Variants in ERN1 observed in about 807,000 individuals in gnomAD.
The protein encoded by ERN1 is endoplasmic reticulum to nucleus signaling 1, also known as serine/threonine-protein kinase/endoribonuclease IRE1.
A neutral mutation model predicts 113.1 loss-of-function variants in ERN1; 39 were observed. That is an observed-to-expected ratio of 0.34 (90% confidence interval 0.27 to 0.45). The LOEUF (loss-of-function observed/expected upper bound fraction) is 0.45, where lower values mean the gene tolerates loss of function less well. Among genes scored for constraint, ERN1 ranks in the 20% least tolerant of loss-of-function variants. ERN1 has a pLI of 1.00. For missense variants in ERN1, 976 were observed against 1,274.8 expected (o/e 0.77, Z 3.57); for synonymous variants, 507 against 515.9 (o/e 0.98, Z 0.23).
intron 2 of ERN1, among the ~76,000 whole-genome samples, chr17:64,083,279 T>C (rs1392338131): frequency 6.6e-6 from 1 of 152,098 alleles, no homozygotes; most frequent in Non-Finnish European, 1.5e-5. Context: ...GAAAATTATC[T>C]TTGGAAAGTC....
At position 64,098,512 on chromosome 17, in the gene ERN1, C is replaced by A. The variant is rs373951033; in HGVS notation, c.55-271G>T. 5 of 643,798 alleles carry A rather than the reference C, an allele frequency of 7.8e-6. No individual in the cohort carries two copies. Among genetic ancestry groups the A allele is most frequent in the Non-Finnish European group, 1.2e-5 (4 of 340,914 alleles). The allele number at this position is 643,798 out of a possible 1,614,324, so 39.9% of individuals were successfully genotyped here. ...TGAAATAATCCATGGGCAACCTCCA[C>A]TGAAACAGAGGGGCAAAGTATGCTC... On this transcript the variant is annotated intron_variant, in intron 1 of 21. Transcript: ENST00000433197.
At chr17:64,123,788 TA>T (rs893598929) in intron 1 of ERN1, among the ~76,000 whole-genome samples, 10 of 150,752 alleles carry the variant, frequency 6.6e-5, no homozygotes, top group African/African-American at 9.8e-5. Context: ...AGTGAAAAAA[TA>T]AAAAAAAATA....
At chr17:64,094,236 T>C (rs897793780) in intron 2 of ERN1, among the ~76,000 whole-genome samples, 3 of 152,230 alleles carry the variant, frequency 2.0e-5, no homozygotes, top group Non-Finnish European at 4.4e-5. Flanking sequence ...TTCACCGTCC[T>C]GGAAATCCAG....
At chr17:64,087,193 C>T (rs545323373) in intron 2 of ERN1, among the ~76,000 whole-genome samples, 2 of 152,276 alleles carry the variant, frequency 1.3e-5, no homozygotes, top group South Asian at 4.1e-4. Context: ...AACTACACTG[C>T]TCCGAATCCT....
chr17:64,126,785 T>C (rs892519709), intron 1 of ERN1, among the ~76,000 whole-genome samples: 1 of 151,954 alleles, frequency 6.6e-6, no homozygotes, highest in Non-Finnish European at 1.5e-5. Context: ...AGCAAAGACA[T>C]TGCTAGTTAA....
chr17:64,077,387 T>A (rs1913625409), intron 4 of ERN1, among the ~76,000 whole-genome samples: 1 of 152,140 alleles, frequency 6.6e-6, no homozygotes, highest in Non-Finnish European at 1.5e-5. Context: ...GTAACCGGCA[T>A]CCAGGTGAAG....
chr17:64,075,093 C>A, intron 5 of ERN1, 82 bp downstream of exon 5: 1 of 1,119,242 alleles, frequency 8.9e-7, no homozygotes. Context: ...GGTGACTGCG[C>A]CCTCTCTCTC....
Position 64,066,743 on chromosome 17 carries a change from G to A in ERN1, c.770C>T (p.Ser257Phe), listed in dbSNP as rs1248269311. 1 of 1,613,978 alleles carries A rather than the reference G, an allele frequency of 6.2e-7. No homozygotes were observed. Among genetic ancestry groups the A allele is most frequent in the Non-Finnish European group, 8.5e-7 (1 of 1,179,864 alleles). The stretch of plus-strand genomic sequence containing the variant: ...CTTTGTGATGCGCCCCACCTCCCCA[G>A]ACATGAAGGTCAGATAGCGCAGGGT... Reference protein sequence around the residue: ...VETLRYLTFMSGEVGRITKWK... With the variant: ...VETLRYLTFMFGEVGRITKWK... Residue 257 changes from serine (S) to phenylalanine (F), a missense_variant, in exon 8 of 22, where the codon TCT becomes TTT. By Grantham distance (155) the Ser-to-Phe change is radical. Around this residue, in one of 5 missense-constraint regions of ERN1, gnomAD observed 459 missense variants for 581.2 expected, o/e 0.79. Coordinates refer to ENST00000433197, the MANE Select transcript of ERN1 (RefSeq NM_001433.5).
intron 2 of ERN1, among the ~76,000 whole-genome samples, chr17:64,083,128 C>T (rs768505492): frequency 2.6e-5 from 4 of 151,648 alleles, no homozygotes; most frequent in Non-Finnish European, 5.9e-5. Context: ...AATAATTATA[C>T]GGGGGGCGGG....
At chr17:64,084,093 T>G (rs1277970936) in intron 2 of ERN1, among the ~76,000 whole-genome samples, 1 of 151,896 alleles carries the variant, frequency 6.6e-6, no homozygotes, top group Non-Finnish European at 1.5e-5. Context: ...TCCCGGGTCC[T>G]TTCTCTGGAT....
rs1914279514 is a variant in ERN1, at chr17:64,098,116, A to G, written c.175+5T>C. The G allele has an allele frequency of 1.9e-6, 3 of 1,613,848 alleles. No individual in the cohort carries two copies. In the South Asian group the frequency reaches 3.3e-5, roughly 18 times the overall value. On this transcript the variant is annotated splice_donor_5th_base_variant and intron_variant, in intron 2 of 21. Coordinates refer to ENST00000433197, the MANE Select transcript of ERN1 (RefSeq NM_001433.5). ...CATGTCGCCCAAGGACCAAATCCAA[A>G]TTACCTTCTTTTAAAGTCCATTTGA...
At chr17:64,100,430 G>C (rs549217971) in intron 1 of ERN1, among the ~76,000 whole-genome samples, 2 of 152,332 alleles carry the variant, frequency 1.3e-5, no homozygotes, top group South Asian at 2.1e-4. Context: ...CTGTACAACA[G>C]GTCTTGGGAG....
Position 64,054,801 on chromosome 17 carries a change from C to G in ERN1, c.1700G>C (p.Gly567Ala). The change falls in exon 14 of 22, where the codon GGG becomes GCG. Residue 567 changes from glycine to alanine, a missense_variant. By Grantham distance (60) the Gly-to-Ala change is moderately conservative. Around this residue, in one of 5 missense-constraint regions of ERN1, gnomAD observed 112 missense variants for 106.2 expected, o/e 1.05. Transcript: ENST00000433197. This position sits in a 1 kb window ranked among gnomAD's most constrained non-coding sequence, Gnocchi z 4.9. ...GDEETSVVIV[G>A]KISFCPKDVL... ...ATCCTTGGGACAGAAGGAAATTTTC[C>G]CAACTATCACCACGCTGGTTTCCTC... is the stretch of plus-strand genomic sequence containing the variant. 8 of 1,609,432 alleles carry G rather than the reference C, an allele frequency of 5.0e-6. No individual in the cohort carries two copies. Among genetic ancestry groups the G allele is most frequent in the Non-Finnish European group, 5.9e-6 (7 of 1,178,188 alleles).
rs1913116907 is a variant in ERN1, at chr17:64,063,502, CCT to C, written c.1087+482_1087+483del. Among the ~76,000 whole-genome samples, 4 of 152,216 alleles carry C rather than the reference CCT, an allele frequency of 2.6e-5. No individual in the cohort carries two copies. Among genetic ancestry groups the C allele is most frequent in the South Asian group, 2.1e-4 (1 of 4,830 alleles). On this transcript the variant is annotated intron_variant, in intron 10 of 21. Transcript: ENST00000433197. This position sits in a 1 kb window ranked among gnomAD's most constrained non-coding sequence, Gnocchi z 5.1. ...CACTGCCCTAGAACCACAACCAGCC[CCT>C]GACTCTGCTGCTCTCAATCCATCCT... is the stretch of plus-strand genomic sequence containing the variant.
At chr17:64,057,705 G>A in intron 12 of ERN1, 97 bp downstream of exon 12, 3 of 1,161,146 alleles carry the variant, frequency 2.6e-6, no homozygotes, top group Non-Finnish European at 3.8e-6. Flanking sequence ...GGAAAGAAAT[G>A]TGCTGGTTGT....
Position 64,041,534 on chromosome 17 carries a change from A to T in ERN1, c.*2454T>A, listed in dbSNP as rs1359452443. ...TGATGCCCAAGGTGTTTTCATGACA[A>T]GTACCCACACGAGATCTCTTCAAAC... On this transcript the variant is annotated 3_prime_UTR_variant, in exon 22 of 22. Transcript: ENST00000433197. 1 of 152,216 alleles carries T rather than the reference A, an allele frequency of 6.6e-6. No individual in the cohort carries two copies. 9.4% of individuals were successfully genotyped at this position (152,216 alleles called of 1,614,324 possible).
intron 4 of ERN1, among the ~76,000 whole-genome samples, chr17:64,079,164 G>C (rs1484833351): frequency 6.6e-6 from 1 of 152,066 alleles, no homozygotes; most frequent in Non-Finnish European, 1.5e-5. Flanking sequence ...TCTGGGATTG[G>C]GCCCTATGTT....
chr17:64,039,191 G>T lies in ERN1; in HGVS notation c.*4797C>A, dbSNP rs1029822768. 1.3e-5 allele frequency: 2 copies of T among 152,116 alleles called. No individual in the cohort carries two copies. Among genetic ancestry groups the T allele is most frequent in the Admixed American group, 6.5e-5 (1 of 15,268 alleles). The allele number at this position is 152,116 out of a possible 1,614,324, so 9.4% of individuals were successfully genotyped here. A position where few individuals can be genotyped will look rare whatever the true frequency, so the allele number is the denominator to read the frequency against. On this transcript the variant is annotated 3_prime_UTR_variant, in exon 22 of 22. Coordinates refer to ENST00000433197, the MANE Select transcript of ERN1 (RefSeq NM_001433.5). ...TGTGGTTGGCTCGACATAAGATGCC[G>T]CCATCAGCAGAATTATAAAACTGTA... is the stretch of plus-strand genomic sequence containing the variant.
rs1486099273 is a variant in ERN1, at chr17:64,072,115, CA to C, written c.356-13del. ...GTCCTGCTTTTTACCTGAAAGGACA[CA>C]AAAACACATCGTCGTTTACACCATA... On this transcript the variant is annotated splice_polypyrimidine_tract_variant and intron_variant, in intron 5 of 21. Coordinates refer to ENST00000433197, the MANE Select transcript of ERN1 (RefSeq NM_001433.5). The C allele has an allele frequency of 1.2e-6, 2 of 1,612,690 alleles. No homozygotes were observed. The highest frequency in any genetic ancestry group is 1.1e-5 in the South Asian group (1 of 90,672).
Sources: gnomAD v4.1 joint callset for allele counts (sites outside exome capture counted in the v4.1 genomes callset) on GRCh38, gnomAD v4.1.1 for gene constraint, gnomAD v4.1.1 regional missense constraint, Gnocchi (gnomAD v3.1) non-coding constraint, MANE v1.5 for transcripts, NCBI Gene and HGNC (gene_info 2026-07-23, HGNC 2026-07-21) for gene names.